SLC37A3: variants seen among roughly 807,000 people sequenced by gnomAD.
SLC37A3 encodes solute carrier family 37 member 3.
SLC37A3 carries 51 observed loss-of-function variants against 67.1 expected under a neutral mutation model. The ratio of observed to expected loss-of-function variants is 0.76; its 90% CI spans 0.61 to 0.96. SLC37A3 has a LOEUF of 0.96. SLC37A3 is among the 40% of genes least tolerant of loss of function. The pLI, the probability that SLC37A3 is intolerant of heterozygous loss-of-function variation, is 0.00. For missense variants in SLC37A3, 508 were observed against 603.0 expected (o/e 0.84, Z 1.65); for synonymous variants, 214 against 231.4 (o/e 0.92, Z 0.68).
intron 1 of SLC37A3, among the ~76,000 whole-genome samples, chr7:140,389,863 A>T (rs965304053): frequency 6.6e-6 from 1 of 152,172 alleles, no homozygotes; most frequent in African/African-American, 2.4e-5. Flanking sequence ...TCAGAGGCCA[A>T]GGCAAGAGGA....
intron 5 of SLC37A3, among the ~76,000 whole-genome samples, chr7:140,362,246 T>C: frequency 1.5e-5 from 2 of 129,506 alleles, no homozygotes; most frequent in African/African-American, 2.9e-5. Context: ...GCCGCAACCC[T>C]GTCTGGGAGG....
In SLC37A3 at chr7:140,345,377, A is replaced by G. The variant is rs146197812; in HGVS notation, c.1127-114T>C. The G allele has an allele frequency of 5.8e-3, 4,402 of 753,826 alleles. 17 individuals carry two copies. Among genetic ancestry groups the G allele is most frequent in the Non-Finnish European group, 8.1e-3 (3,512 of 433,730 alleles). 46.7% of individuals were successfully genotyped at this position (753,826 alleles called of 1,614,324 possible). ...GTGACCTCACAAATCACTCCCAGAG[A>G]CAACAAAGAGACACAACTCTCTCTG... On this transcript the variant is annotated intron_variant, in intron 11 of 14. Transcript: ENST00000326232.
intron 4 of SLC37A3, among the ~76,000 whole-genome samples, chr7:140,368,062 C>A (rs1275702376): frequency 6.6e-6 from 1 of 151,926 alleles, no homozygotes; most frequent in Non-Finnish European, 1.5e-5. Flanking sequence ...TATCCACCTG[C>A]CTCGGTCTCC....
At chr7:140,340,293 CT>C (rs35512830) in intron 13 of SLC37A3, among the ~76,000 whole-genome samples, 12,831 of 141,730 alleles carry the variant, frequency 0.091, 782 homozygotes, top group East Asian at 0.3. Context: ...CAACCTCATT[CT>C]TTTTTTTTTT....
intron 6 of SLC37A3, among the ~76,000 whole-genome samples, chr7:140,357,295 T>C (rs1436003442): frequency 6.6e-6 from 1 of 152,120 alleles, no homozygotes; most frequent in East Asian, 1.9e-4. Context: ...CCAAGAGAAA[T>C]GAAAGCATAT....
chr7:140,388,701 C>A (rs1278708995), intron 1 of SLC37A3, among the ~76,000 whole-genome samples: 1 of 152,016 alleles, frequency 6.6e-6, no homozygotes, highest in Non-Finnish European at 1.5e-5. Flanking sequence ...ATCCCAGCTA[C>A]TCAGGAGGCT....
rs773426595 is a variant in SLC37A3, at chr7:140,335,261, G to A, written c.*151C>T. 1.5e-5 allele frequency: 25 copies of A among 1,613,918 alleles called. No homozygotes were observed. Among genetic ancestry groups the A allele is most frequent in the Non-Finnish European group, 1.9e-5 (22 of 1,179,996 alleles). On this transcript the variant is annotated 3_prime_UTR_variant, in exon 15 of 15. Coordinates refer to ENST00000326232, the MANE Select transcript of SLC37A3 (RefSeq NM_207113.3). ...GAAAACTAGTGCAGCCTTCACTGCTGGTCAGCATCTCAGGTGGCTGGCAGT... is the reference window on the plus strand; with the variant it reads ...GAAAACTAGTGCAGCCTTCACTGCTAGTCAGCATCTCAGGTGGCTGGCAGT...
intron 6 of SLC37A3, 141 bp downstream of exon 6, chr7:140,358,499 C>T: frequency 8.5e-7 from 1 of 1,174,330 alleles, no homozygotes; most frequent in Non-Finnish European, 1.2e-6. Context: ...GTGAAACCCT[C>T]TCTCCCTGAA....
In SLC37A3 at chr7:140,398,527, G is replaced by C. The variant is rs1430257135; in HGVS notation, c.-182C>G. On this transcript the variant is annotated 5_prime_UTR_variant, in exon 1 of 15. Coordinates refer to ENST00000326232, the MANE Select transcript of SLC37A3 (RefSeq NM_207113.3). ...GCTCACCCCTGGCGGTGCGACCAGG[G>C]TTTCCGGACGCCCACGTGACCCTCC... is the stretch of plus-strand genomic sequence containing the variant. 1.3e-5 allele frequency: 2 copies of C among 152,118 alleles called. No homozygotes were observed. Among genetic ancestry groups the C allele is most frequent in the Admixed American group, 1.3e-4 (2 of 15,262 alleles). 9.4% of individuals were successfully genotyped at this position (152,118 alleles called of 1,614,324 possible).
In SLC37A3 at chr7:140,364,470, C is replaced by A; in HGVS notation, c.313G>T (p.Val105Phe). The change falls in exon 5 of 15, where the codon GTT becomes TTT. Residue 105 changes from valine to phenylalanine, a missense_variant. Coordinates refer to ENST00000326232, the MANE Select transcript of SLC37A3 (RefSeq NM_207113.3). The stretch of plus-strand genomic sequence containing the variant: ...CATCGCAAATTCAACCGATCCCCAA[C>A]GATGCCACTGATGAATAGGCCCTAA... ...YAVGLFISGI[V>F]GDRLNLRWVL... 1 of 1,613,992 alleles carries A rather than the reference C, an allele frequency of 6.2e-7. No homozygotes were observed. Among genetic ancestry groups the A allele is most frequent in the Non-Finnish European group, 8.5e-7 (1 of 1,179,994 alleles).
chr7:140,361,722 T>G (rs1385998836), intron 5 of SLC37A3, among the ~76,000 whole-genome samples: 9 of 146,540 alleles, frequency 6.1e-5, no homozygotes, highest in African/African-American at 1.0e-4. Context: ...CTGGTTTTCG[T>G]TTTTTTTTTG....
chr7:140,336,449 AC>A (rs1386206006), intron 14 of SLC37A3, among the ~76,000 whole-genome samples: 4 of 152,178 alleles, frequency 2.6e-5, no homozygotes, highest in Admixed American at 2.6e-4. Flanking sequence ...ATAAAAATAA[AC>A]AAGGCCTTAC....
chr7:140,356,801 C>CA, intron 6 of SLC37A3, among the ~76,000 whole-genome samples: 1 of 152,118 alleles, frequency 6.6e-6, no homozygotes, highest in Non-Finnish European at 1.5e-5. Context: ...TGGCTAAAAT[C>CA]AAAAAACACC....
intron 3 of SLC37A3, chr7:140,380,007 CAG>C (rs1798187129): frequency 4.7e-6 from 1 of 212,876 alleles, no homozygotes; most frequent in Non-Finnish European, 9.3e-6. Context: ...ATCTCAAAGA[CAG>C]AAACGAGCAC....
At chr7:140,368,303 C>T (rs1415229074) in intron 4 of SLC37A3, among the ~76,000 whole-genome samples, 1 of 152,084 alleles carries the variant, frequency 6.6e-6, no homozygotes, top group Non-Finnish European at 1.5e-5. Context: ...CAGTGGCTCA[C>T]GCCTGTAATC....
At chr7:140,346,735 A>G (rs1796575629) in intron 10 of SLC37A3, among the ~76,000 whole-genome samples, 1 of 151,986 alleles carries the variant, frequency 6.6e-6, no homozygotes, top group Admixed American at 6.6e-5. Context: ...TTATCTCTAT[A>G]AAAGATAAAT....
chr7:140,395,940 G>A (rs1163396189), intron 1 of SLC37A3, among the ~76,000 whole-genome samples: 3 of 149,562 alleles, frequency 2.0e-5, no homozygotes, highest in Non-Finnish European at 4.4e-5. Flanking sequence ...ATTATTAAAT[G>A]TATAGTTGAG....
intron 5 of SLC37A3, 149 bp downstream of exon 5, chr7:140,364,257 GGA>G (rs542686490): frequency 2.3e-4 from 158 of 697,818 alleles, no homozygotes; most frequent in African/African-American, 1.6e-3. Flanking sequence ...GTCTCGGGGG[GGA>G]AAAAAAAGAC....
intron 10 of SLC37A3, among the ~76,000 whole-genome samples, chr7:140,347,078 C>T (rs1016527062): frequency 6.6e-6 from 1 of 151,800 alleles, no homozygotes; most frequent in Non-Finnish European, 1.5e-5. Flanking sequence ...CTGGGCAATA[C>T]AGTGAAATGC....
Sources: allele counts gnomAD v4.1 joint callset (sites outside exome capture counted in the v4.1 genomes callset), GRCh38; gene constraint gnomAD v4.1.1; transcripts MANE v1.5; gene names NCBI Gene and HGNC (gene_info 2026-07-23, HGNC 2026-07-21).